The following TAFA2 variants were observed in gnomAD, a reference collection of about 807,000 sequenced individuals.
TAFA2 encodes the protein TAFA chemokine like family member 2.
Under a neutral mutation model 18.8 loss-of-function variants are expected in TAFA2, and 7 were observed. That is an observed-to-expected ratio of 0.37 (90% confidence interval 0.21 to 0.70). The LOEUF is 0.70. TAFA2 is among the 30% of genes least tolerant of loss of function. The pLI is 0.53. For synonymous variants in TAFA2, 60 were observed against 54.2 expected (o/e 1.11, Z -0.47); for missense variants, 122 against 158.1 (o/e 0.77, Z 1.23).
chr12:62,059,858 T>G (rs1201506558), intron 1 of TAFA2, among the ~76,000 whole-genome samples: 2 of 152,214 alleles, frequency 1.3e-5, no homozygotes, highest in Non-Finnish European at 1.5e-5. Context: ...TCAAGGTCAC[T>G]TGTTCCTCAT....
intron 2 of TAFA2, among the ~76,000 whole-genome samples, chr12:61,812,290 G>A (rs954003527): frequency 2.0e-5 from 3 of 151,538 alleles, no homozygotes; most frequent in Non-Finnish European, 2.9e-5. Context: ...CTTAAACTCT[G>A]GGAATGGTGT....
chr12:62,249,247 G>C (rs1225997445), intron 1 of TAFA2, among the ~76,000 whole-genome samples: 1 of 144,508 alleles, frequency 6.9e-6, no homozygotes, highest in Non-Finnish European at 1.5e-5. Context: ...AAACAACTTA[G>C]GGACTGCTCC....
intron 1 of TAFA2, chr12:62,104,821 A>G (rs1298698713): frequency 5.4e-6 from 2 of 370,348 alleles, no homozygotes; most frequent in Non-Finnish European, 1.1e-5. Flanking sequence ...TCTTTATGAC[A>G]AGGTGATTTT....
chr12:62,221,216 G>GGAA (rs758941151), intron 1 of TAFA2, among the ~76,000 whole-genome samples: 3,611 of 78,888 alleles, frequency 0.046, 188 homozygotes, highest in African/African-American at 0.083. Flanking sequence ...GAAGGAAGGG[G>GGAA]GGAAGGAAGG....
chr12:62,054,014 G>A (rs903334067), intron 1 of TAFA2, among the ~76,000 whole-genome samples: 1 of 152,150 alleles, frequency 6.6e-6, no homozygotes, highest in Non-Finnish European at 1.5e-5. Flanking sequence ...ACAGGCTATA[G>A]CTACATAAAA....
At chr12:62,204,601 T>G (rs1275983888) in intron 1 of TAFA2, among the ~76,000 whole-genome samples, 1 of 152,218 alleles carries the variant, frequency 6.6e-6, no homozygotes, top group African/African-American at 2.4e-5. Flanking sequence ...TGAAATTTTT[T>G]CGTCTGCTTG....
intron 4 of TAFA2, among the ~76,000 whole-genome samples, chr12:61,743,627 C>T (rs1164277410): frequency 6.6e-6 from 1 of 152,054 alleles, no homozygotes; most frequent in Non-Finnish European, 1.5e-5. Context: ...AGGTGCACTT[C>T]ACAAACAACT....
At chr12:61,879,748 C>T (rs1449293782) in intron 1 of TAFA2, 13 of 1,264,582 alleles carry the variant, frequency 1.0e-5, no homozygotes, top group Non-Finnish European at 1.5e-5. Flanking sequence ...TGTTCCAGAG[C>T]TACATCAACA....
intron 2 of TAFA2, among the ~76,000 whole-genome samples, chr12:61,755,834 C>T (rs543522932): frequency 5.7e-4 from 87 of 152,028 alleles, no homozygotes; most frequent in Non-Finnish European, 1.1e-3. Flanking sequence ...TCTAGTTTGT[C>T]TTCATTATTT....
In TAFA2 at chr12:62,191,463, G is replaced by C. The variant is rs1301474404; in HGVS notation, c.-206C>G. 1 of 152,740 alleles carries C rather than the reference G, an allele frequency of 6.5e-6. No individual in the cohort carries two copies. Among genetic ancestry groups the C allele is most frequent in the Non-Finnish European group, 1.5e-5 (1 of 68,454 alleles). 9.5% of individuals were successfully genotyped at this position (152,740 alleles called of 1,614,324 possible). On this transcript the variant is annotated 5_prime_UTR_variant, in exon 1 of 5. Transcript: ENST00000416284. Reference sequence around the variant, plus strand: ...GCCCTGAGCGTGCGAGTGTGCGCGCGCGTGTGTGGATGTGTTTCCTCCTCC... The same window carrying C: ...GCCCTGAGCGTGCGAGTGTGCGCGCCCGTGTGTGGATGTGTTTCCTCCTCC...
chr12:61,747,767 A>T (rs972205587), intron 4 of TAFA2, among the ~76,000 whole-genome samples: 1 of 150,802 alleles, frequency 6.6e-6, no homozygotes, highest in Non-Finnish European at 1.5e-5. Flanking sequence ...CTAATGCTAG[A>T]TGACGAGTTA....
Position 61,776,043 on chromosome 12 carries a change from G to T in TAFA2, c.107-21019C>A, listed in dbSNP as rs367576426. 10 of 388,630 alleles carry T rather than the reference G, an allele frequency of 2.6e-5. No individual in the cohort carries two copies. In the East Asian group the frequency reaches 2.8e-4, roughly 11 times the overall value. The allele number at this position is 388,630 out of a possible 1,614,324, so 24.1% of individuals were successfully genotyped here. A position where few individuals can be genotyped will look rare whatever the true frequency, so the allele number is the denominator to read the frequency against. ...AATCTATAAGAAAGGTGATATTGTA[G>T]ACATAAGGGAATGGGTACTGTAAAA... is the stretch of plus-strand genomic sequence containing the variant. On this transcript the variant is annotated intron_variant, in intron 2 of 4. Coordinates refer to ENST00000416284, the MANE Select transcript of TAFA2 (RefSeq NM_178539.5).
intron 1 of TAFA2, among the ~76,000 whole-genome samples, chr12:62,254,970 C>G (rs1465785099): frequency 6.6e-6 from 1 of 152,196 alleles, no homozygotes; most frequent in Non-Finnish European, 1.5e-5. Flanking sequence ...ATCTATATAG[C>G]TGCAGAATCA....
At chr12:61,936,505 T>C (rs1168268680) in intron 1 of TAFA2, among the ~76,000 whole-genome samples, 2 of 152,044 alleles carry the variant, frequency 1.3e-5, no homozygotes, top group South Asian at 2.1e-4. Flanking sequence ...GAGATGAAGG[T>C]TGCAGTGAGC....
intron 1 of TAFA2, among the ~76,000 whole-genome samples, chr12:62,012,419 A>G (rs1401518477): frequency 6.6e-6 from 1 of 152,110 alleles, no homozygotes; most frequent in East Asian, 1.9e-4. Flanking sequence ...ATTTAAAAAA[A>G]AAAAAAAAAG....
chr12:61,710,527 T>C, intron 4 of TAFA2, 110 bp from the exon 5 acceptor site: 1 of 790,852 alleles, frequency 1.3e-6, no homozygotes, highest in Non-Finnish European at 2.1e-6. Flanking sequence ...GTTTGCTATA[T>C]CAAATGCATT....
intron 1 of TAFA2, chr12:62,258,225 A>C (rs1434673353): frequency 2.0e-5 from 3 of 152,238 alleles, no homozygotes; most frequent in Non-Finnish European, 4.4e-5. Context: ...CTATAATTTT[A>C]TCTCTTTCCT....
chr12:62,034,248 C>G (rs925244173), intron 1 of TAFA2, among the ~76,000 whole-genome samples: 1 of 152,066 alleles, frequency 6.6e-6, no homozygotes, highest in African/African-American at 2.4e-5. Flanking sequence ...TCACCTTGAG[C>G]CCAGCCCCCT....
rs144808307 is a variant in TAFA2, at chr12:61,774,499, T to C, written c.107-19475A>G. On this transcript the variant is annotated intron_variant, in intron 2 of 4. Coordinates refer to ENST00000416284, the MANE Select transcript of TAFA2 (RefSeq NM_178539.5). Reference sequence around the variant, plus strand: ...AATACTACTCAGCTATAAAAATGAATGAAATGATTACATTCACAGCAACCT... The same window carrying C: ...AATACTACTCAGCTATAAAAATGAACGAAATGATTACATTCACAGCAACCT... Among the ~76,000 whole-genome samples the C allele has an allele frequency of 5.2e-3, 787 of 151,950 alleles. 26 individuals are homozygous for C. The highest frequency in any genetic ancestry group is 0.04 in the Admixed American group (613 of 15,204).
Sources: allele counts gnomAD v4.1 joint callset (sites outside exome capture counted in the v4.1 genomes callset), GRCh38; gene constraint gnomAD v4.1.1; transcripts MANE v1.5; gene names NCBI Gene and HGNC (gene_info 2026-07-23, HGNC 2026-07-21).